MED13: variants seen among roughly 807,000 people sequenced by gnomAD.
MED13 encodes the protein mediator complex subunit 13, also known as mediator of RNA polymerase II transcription subunit 13.
MED13 carries 23 observed loss-of-function variants against 225.2 expected under a neutral mutation model. The observed-to-expected ratio is 0.10, with a 90% CI of 0.07 to 0.14. The LOEUF (loss-of-function observed/expected upper bound fraction) is 0.14. Ranked by LOEUF, MED13 falls within the 10% of genes least tolerant of loss-of-function variation. MED13 has a pLI of 1.00. For missense variants in MED13, 2,197 were observed against 2,594.5 expected (o/e 0.85, Z 3.33); for synonymous variants, 942 against 889.2 (o/e 1.06, Z -1.06).
At chr17:61,998,734 G>T (rs182187277) in intron 9 of MED13, among the ~76,000 whole-genome samples, 8 of 151,326 alleles carry the variant, frequency 5.3e-5, no homozygotes, top group African/African-American at 1.9e-4. Context: ...TGAGTAGCTG[G>T]GACTACAGGT....
At chr17:62,026,051 G>A (rs970981568) in intron 8 of MED13, among the ~76,000 whole-genome samples, 2 of 152,090 alleles carry the variant, frequency 1.3e-5, no homozygotes, top group Admixed American at 6.5e-5. Flanking sequence ...CCATTTGTTT[G>A]GTTCACTTCC....
intron 8 of MED13, among the ~76,000 whole-genome samples, chr17:62,025,902 A>G (rs1306955952): frequency 6.6e-6 from 1 of 152,248 alleles, no homozygotes; most frequent in Non-Finnish European, 1.5e-5. Flanking sequence ...AAAATTACGT[A>G]TTCTTTAATC....
chr17:61,983,227 A>C lies in MED13; in HGVS notation c.2889-113T>G, dbSNP rs2080220282. On this transcript the variant is annotated intron_variant, in intron 15 of 29. Transcript: ENST00000397786. ...TTTTTCAATTACATAGAAAATTATG[A>C]AAGGACAAGTATTGCAAGAATTACA... is the stretch of plus-strand genomic sequence containing the variant. 7.0e-6 allele frequency: 6 copies of C among 862,354 alleles called. No individual in the cohort carries two copies. In the East Asian group the frequency reaches 1.6e-4, roughly 24 times the overall value. The allele number at this position is 862,354 out of a possible 1,614,324, so 53.4% of individuals were successfully genotyped here. A position where few individuals can be genotyped will look rare whatever the true frequency, so the allele number is the denominator to read the frequency against.
At chr17:62,043,017 T>TGTG (rs2080866808) in intron 3 of MED13, among the ~76,000 whole-genome samples, 1 of 149,544 alleles carries the variant, frequency 6.7e-6, no homozygotes, top group Non-Finnish European at 1.5e-5. Context: ...CTTAGTCAGG[T>TGTG]GTGGTGGTGT....
At chr17:62,018,829 A>G (rs1462784849) in intron 8 of MED13, among the ~76,000 whole-genome samples, 2 of 152,318 alleles carry the variant, frequency 1.3e-5, no homozygotes, top group South Asian at 2.1e-4. Flanking sequence ...GGGTTCTAGA[A>G]TATCGATCCT....
Position 62,063,717 on chromosome 17 carries a change from A to T in MED13, c.67-416T>A, listed in dbSNP as rs116833422. On this transcript the variant is annotated intron_variant, in intron 1 of 29. Coordinates refer to ENST00000397786, the MANE Select transcript of MED13 (RefSeq NM_005121.3). ...TTTTTATTCCACATTTACAGAAGTA[A>T]CGTCTCTAATGAAAAGACATCTGAA... Among the ~76,000 whole-genome samples the T allele has an allele frequency of 6.6e-3, 1,005 of 152,346 alleles. 12 individuals are homozygous for T. Among genetic ancestry groups the T allele is most frequent in the African/African-American group, 0.023 (952 of 41,578 alleles).
intron 2 of MED13, among the ~76,000 whole-genome samples, chr17:62,055,343 TCAC>T (rs1476453897): frequency 6.6e-6 from 1 of 150,908 alleles, no homozygotes; most frequent in African/African-American, 2.4e-5. Context: ...TGAGCTGAGA[TCAC>T]ACCACTGCAC....
chr17:62,051,498 T>C (rs1028689896), intron 3 of MED13, among the ~76,000 whole-genome samples: 1 of 152,330 alleles, frequency 6.6e-6, no homozygotes, highest in Middle Eastern at 3.4e-3. Context: ...TCCAGCTGAA[T>C]GCATTCTGAA....
At chr17:61,984,036 T>G in intron 15 of MED13, 135 bp downstream of exon 15, 2 of 655,542 alleles carry the variant, frequency 3.1e-6, no homozygotes, top group Non-Finnish European at 4.6e-6. Context: ...CCAATCACTA[T>G]AATTGATTAA....
intron 11 of MED13, among the ~76,000 whole-genome samples, chr17:61,990,976 G>A (rs2080293390): frequency 6.6e-6 from 1 of 152,112 alleles, no homozygotes; most frequent in African/African-American, 2.4e-5. Flanking sequence ...TTTAGAAATT[G>A]TGGTTTTAGA....
At chr17:61,984,611 T>C (rs1191074804) in intron 14 of MED13, 40 bp downstream of exon 14, 1 of 1,508,438 alleles carries the variant, frequency 6.6e-7, no homozygotes, top group Admixed American at 2.0e-5. Flanking sequence ...TATAAGAAAA[T>C]ATAGGAAGTG....
At chr17:61,977,576 C>G (rs376229471) in intron 16 of MED13, among the ~76,000 whole-genome samples, 1 of 152,142 alleles carries the variant, frequency 6.6e-6, no homozygotes, top group African/African-American at 2.4e-5. Flanking sequence ...CTCAGCCTCC[C>G]GAGTAGCTGG....
At chr17:61,953,772 TA>T (rs1232589150) in intron 26 of MED13, among the ~76,000 whole-genome samples, 2 of 152,192 alleles carry the variant, frequency 1.3e-5, no homozygotes, top group Non-Finnish European at 2.9e-5. Context: ...AGGAAACTAA[TA>T]CAAAGCAAAC....
At chr17:61,977,701 G>A (rs957846347) in intron 16 of MED13, among the ~76,000 whole-genome samples, 2 of 152,174 alleles carry the variant, frequency 1.3e-5, no homozygotes, top group Admixed American at 1.3e-4. Context: ...ACTTGCCTCG[G>A]CCTCCCAAAG....
At chr17:61,972,983 A>G (rs2080122871) in intron 16 of MED13, 95 bp from the exon 17 acceptor site, 1 of 977,106 alleles carries the variant, frequency 1.0e-6, no homozygotes, top group African/African-American at 1.6e-5. Context: ...AGGGAAGTTC[A>G]GGTCTTCAGC....
chr17:62,057,444 G>A (rs927615431), intron 2 of MED13, among the ~76,000 whole-genome samples: 3 of 152,160 alleles, frequency 2.0e-5, no homozygotes, highest in Non-Finnish European at 4.4e-5. Context: ...AGCAAATGAA[G>A]TTGTCACCTA....
At chr17:62,029,672 A>C in intron 7 of MED13, 21 bp from the exon 8 acceptor site, 2 of 1,585,630 alleles carry the variant, frequency 1.3e-6, no homozygotes, top group Non-Finnish European at 1.7e-6. Flanking sequence ...AAGTTACAAA[A>C]TTCTTTAAAA....
At chr17:62,029,426 GA>G (rs2080732984) in intron 8 of MED13, 114 bp downstream of exon 8, 6 of 701,610 alleles carry the variant, frequency 8.6e-6, no homozygotes, top group Admixed American at 3.3e-5. Flanking sequence ...ATTTTCTTTT[GA>G]AAAAAAATCC....
rs1469421843 is a variant in MED13 at position 61,944,923 on chromosome 17, C to T, written c.*1545G>A. 6.6e-6 allele frequency: 1 copy of T among 152,552 alleles called. No individual in the cohort carries two copies. Among genetic ancestry groups the T allele is most frequent in the Non-Finnish European group, 1.5e-5 (1 of 68,024 alleles). The allele number at this position is 152,552 out of a possible 1,614,324, so 9.4% of individuals were successfully genotyped here. On this transcript the variant is annotated 3_prime_UTR_variant, in exon 30 of 30. Transcript: ENST00000397786. ...GTACAGCCTGCATAAAAGCAGTTAT[C>T]TTGGCATGTGCAAACAAGAAGGGGG...
Sources: gnomAD v4.1 joint callset for allele counts (sites outside exome capture counted in the v4.1 genomes callset) on GRCh38, gnomAD v4.1.1 for gene constraint, MANE v1.5 for transcripts, NCBI Gene and HGNC (gene_info 2026-07-23, HGNC 2026-07-21) for gene names.